ESRRG: variants seen among roughly 807,000 people sequenced by gnomAD.
ESRRG encodes estrogen-related receptor gamma.
In ESRRG, 13 loss-of-function variants were observed where a neutral mutation model predicts 44.0. The ratio of observed to expected loss-of-function variants is 0.30; its 90% CI spans 0.19 to 0.47. The LOEUF (loss-of-function observed/expected upper bound fraction) is 0.47, where lower values mean the gene tolerates loss of function less well. Ranked by LOEUF, ESRRG falls within the 20% of genes least tolerant of loss-of-function variation. The pLI is 1.00. For missense variants in ESRRG, 395 were observed against 580.6 expected (o/e 0.68, Z 3.29); for synonymous variants, 215 against 214.6 (o/e 1.00, Z -0.02).
chr1:216,615,547 G>A (rs148055657), intron 3 of ESRRG, among the ~76,000 whole-genome samples: 1 of 152,204 alleles, frequency 6.6e-6, no homozygotes, highest in East Asian at 1.9e-4. Flanking sequence ...ATTTCAGAGT[G>A]GTCAGCTGGT....
intron 5 of ESRRG, among the ~76,000 whole-genome samples, chr1:216,543,894 C>T (rs12131574): frequency 6.6e-6 from 1 of 151,874 alleles, no homozygotes; most frequent in Non-Finnish European, 1.5e-5. Context: ...TGCAAAAAAA[C>T]TTAGAGATTT....
intron 1 of ESRRG, among the ~76,000 whole-genome samples, chr1:217,117,092 G>C (rs2092740131): frequency 6.6e-6 from 1 of 152,096 alleles, no homozygotes; most frequent in Admixed American, 6.5e-5. Context: ...ATATAGCATA[G>C]AGGTTAAAAA....
intron 3 of ESRRG, among the ~76,000 whole-genome samples, chr1:216,625,948 T>A (rs1311920744): frequency 6.6e-6 from 1 of 152,174 alleles, no homozygotes; most frequent in East Asian, 1.9e-4. Flanking sequence ...TCTCTCTGAC[T>A]CCTCTCTCAC....
At chr1:217,056,472 T>G (rs2087119723) in intron 1 of ESRRG, among the ~76,000 whole-genome samples, 1 of 151,970 alleles carries the variant, frequency 6.6e-6, no homozygotes, top group African/African-American at 2.4e-5. Context: ...TTTTTCCACT[T>G]CTGGGCTGAC....
chr1:216,981,511 C>T (rs1337755768), intron 1 of ESRRG, among the ~76,000 whole-genome samples: 26 of 152,064 alleles, frequency 1.7e-4, no homozygotes, highest in Admixed American at 1.7e-3. Context: ...CAAAACAGCA[C>T]CTCGCACAAA....
chr1:216,790,084 C>T (rs74141653), intron 2 of ESRRG, among the ~76,000 whole-genome samples: 4,908 of 152,222 alleles, frequency 0.032, 277 homozygotes, highest in African/African-American at 0.11. Context: ...CCAATGAGAC[C>T]TTCAAAGTCA....
chr1:216,526,928 G>T (rs1012998059), intron 5 of ESRRG, among the ~76,000 whole-genome samples: 1 of 152,144 alleles, frequency 6.6e-6, no homozygotes, highest in African/African-American at 2.4e-5. Context: ...CTAGAAGGTA[G>T]AAAAAGTATT....
chr1:216,603,489 C>G (rs988402596), intron 3 of ESRRG, among the ~76,000 whole-genome samples: 4 of 152,086 alleles, frequency 2.6e-5, no homozygotes, highest in African/African-American at 9.7e-5. Flanking sequence ...TGCTAAAGAC[C>G]CTGTGAATAT....
intron 2 of ESRRG, among the ~76,000 whole-genome samples, chr1:216,754,366 G>A (rs938027570): frequency 6.6e-6 from 1 of 152,016 alleles, no homozygotes; most frequent in Admixed American, 6.6e-5. Context: ...TTTCACTCTA[G>A]AGTCCCGTAT....
At chr1:216,601,520 G>C (rs983598939) in intron 3 of ESRRG, among the ~76,000 whole-genome samples, 1 of 152,208 alleles carries the variant, frequency 6.6e-6, no homozygotes, top group Non-Finnish European at 1.5e-5. Flanking sequence ...GGTTATGACA[G>C]AGGAAGAAGA....
intron 2 of ESRRG, among the ~76,000 whole-genome samples, chr1:216,731,229 A>G (rs1427960887): frequency 6.6e-6 from 1 of 152,220 alleles, no homozygotes; most frequent in Non-Finnish European, 1.5e-5. Context: ...CATTATCTAA[A>G]GATTTATTTG....
At chr1:217,074,307 C>A (rs1470037108) in intron 1 of ESRRG, among the ~76,000 whole-genome samples, 3 of 151,860 alleles carry the variant, frequency 2.0e-5, no homozygotes, top group African/African-American at 7.3e-5. Context: ...CTTTGGCCTC[C>A]CAGAGTGCTG....
chr1:216,541,841 T>A (rs964742452), intron 5 of ESRRG, among the ~76,000 whole-genome samples: 1 of 151,906 alleles, frequency 6.6e-6, no homozygotes, highest in Admixed American at 6.6e-5. Context: ...TTTACCTTTA[T>A]CCTGAAAATC....
chr1:216,668,539 GATC>G (rs2074470956), intron 2 of ESRRG, among the ~76,000 whole-genome samples: 1 of 152,120 alleles, frequency 6.6e-6, no homozygotes, highest in African/African-American at 2.4e-5. Context: ...ATCTAGTGAG[GATC>G]ATTACATTTT....
At chr1:217,042,473 A>AACACACACACACACACACACACACAC (rs140559927) in intron 1 of ESRRG, among the ~76,000 whole-genome samples, 4 of 139,056 alleles carry the variant, frequency 2.9e-5, no homozygotes, top group Non-Finnish European at 4.7e-5. Context: ...TACACACACA[A>AACACACACACACACACACACACACAC]ACACACACAC....
At chr1:217,092,170 G>T (rs778874636), upstream of ESRRG, among the ~76,000 whole-genome samples, 1 of 152,078 alleles carries the variant, frequency 6.6e-6, no homozygotes, top group Non-Finnish European at 1.5e-5. Flanking sequence ...CCTAGGAACC[G>T]CTCTCTGTTG....
At chr1:216,952,805 C>T (rs566073271) in intron 1 of ESRRG, among the ~76,000 whole-genome samples, 62 of 152,114 alleles carry the variant, frequency 4.1e-4, no homozygotes, top group African/African-American at 1.5e-3. Context: ...CAACTGAGCC[C>T]CCAGATCTTT....
chr1:217,021,095 C>T (rs1019225883), intron 1 of ESRRG, among the ~76,000 whole-genome samples: 2 of 149,184 alleles, frequency 1.3e-5, no homozygotes, highest in African/African-American at 4.9e-5. Context: ...GAGAAAGATA[C>T]ACTCACTCAC....
At chr1:216,716,543 CCAAAGCA>C (rs372911823) in intron 1 of ESRRG, among the ~76,000 whole-genome samples, 313 of 151,788 alleles carry the variant, frequency 2.1e-3, no homozygotes, top group African/African-American at 7.3e-3. Flanking sequence ...GTAAGTCCTG[CCAAAGCA>C]TATTACACAT....
Sources: allele counts gnomAD v4.1 joint callset (sites outside exome capture counted in the v4.1 genomes callset), GRCh38; gene constraint gnomAD v4.1.1; transcripts MANE v1.5; gene names NCBI Gene and HGNC (gene_info 2026-07-23, HGNC 2026-07-21).